Variants in SLC35D4 observed in about 807,000 individuals in gnomAD.
SLC35D4 encodes solute carrier family 35 member D4, also known as UDP-N-acetylglucosamine transporter SLC35D4.
the SLC35D4 span, chr18:23,373,856 G>A: frequency 5.0e-6 from 7 of 1,402,732 alleles, no homozygotes; most frequent in Non-Finnish European, 6.8e-6. Context: ...CTCTGGAGTT[G>A]GATGAGGCAA....
At chr18:23,374,039 A>G in the SLC35D4 span, among the ~76,000 whole-genome samples, 1 of 152,246 alleles carries the variant, frequency 6.6e-6, no homozygotes, top group African/African-American at 2.4e-5. Context: ...CAGCTGGCTC[A>G]CTTGAGGAAA....
At chr18:23,331,991 T>G in the SLC35D4 span, among the ~76,000 whole-genome samples, 24 of 142,130 alleles carry the variant, frequency 1.7e-4, 1 homozygote, top group East Asian at 4.9e-3. Flanking sequence ...GCTCAAGCAA[T>G]CCTCCCACTT....
chr18:23,241,895 C>A, the SLC35D4 span, among the ~76,000 whole-genome samples: 3 of 152,124 alleles, frequency 2.0e-5, no homozygotes, highest in African/African-American at 7.2e-5. Context: ...GCCTTGCACC[C>A]ATATCTGTAT....
At chr18:23,432,605 C>T in the SLC35D4 span, among the ~76,000 whole-genome samples, 1 of 150,016 alleles carries the variant, frequency 6.7e-6, no homozygotes, top group East Asian at 2.0e-4. Context: ...CACTTGAACC[C>T]GGGAGGTGGA....
chr18:23,332,631 G>A, the SLC35D4 span, among the ~76,000 whole-genome samples: 1 of 151,742 alleles, frequency 6.6e-6, no homozygotes, highest in Non-Finnish European at 1.5e-5. Context: ...AACAACAGAG[G>A]ACTCATCTAA....
the SLC35D4 span, among the ~76,000 whole-genome samples, chr18:23,404,609 G>A: frequency 4.7e-5 from 7 of 150,308 alleles, no homozygotes; most frequent in Admixed American, 1.3e-4. Context: ...GGAGGCTTGC[G>A]GCGGGCCGAG....
At chr18:23,315,592 G>A in the SLC35D4 span, among the ~76,000 whole-genome samples, 2 of 152,196 alleles carry the variant, frequency 1.3e-5, no homozygotes, top group Non-Finnish European at 2.9e-5. Context: ...TAACCTTTAA[G>A]GTCACAATGC....
the SLC35D4 span, among the ~76,000 whole-genome samples, chr18:23,388,371 T>C: frequency 2.0e-5 from 3 of 152,214 alleles, no homozygotes; most frequent in Admixed American, 1.3e-4. Flanking sequence ...GCACCTCTCT[T>C]ACCAGATGCT....
the SLC35D4 span, among the ~76,000 whole-genome samples, chr18:23,325,292 A>T: frequency 6.6e-6 from 1 of 152,088 alleles, no homozygotes; most frequent in African/African-American, 2.4e-5. Context: ...ACTTGTCCTA[A>T]TGAGAATTTT....
chr18:23,398,585 A>G, the SLC35D4 span, among the ~76,000 whole-genome samples: 3 of 152,194 alleles, frequency 2.0e-5, no homozygotes, highest in African/African-American at 4.8e-5. Context: ...TCCCCATTGC[A>G]TATATCACCC....
At chr18:23,435,782 G>A in the SLC35D4 span, among the ~76,000 whole-genome samples, 1 of 152,200 alleles carries the variant, frequency 6.6e-6, no homozygotes, top group African/African-American at 2.4e-5. Flanking sequence ...TGCAACCTCC[G>A]CCTCCCTGGC....
At chr18:23,298,901 G>A in the SLC35D4 span, among the ~76,000 whole-genome samples, 2 of 152,004 alleles carry the variant, frequency 1.3e-5, no homozygotes. Context: ...CCCTTCATAC[G>A]CTCACCTGCA....
the SLC35D4 span, among the ~76,000 whole-genome samples, chr18:23,395,781 C>T: frequency 6.6e-5 from 10 of 152,362 alleles, no homozygotes; most frequent in Admixed American, 3.3e-4. Flanking sequence ...GACTGACACT[C>T]ACCCATCAGA....
the SLC35D4 span, among the ~76,000 whole-genome samples, chr18:23,397,612 T>C: frequency 8.5e-5 from 13 of 152,220 alleles, no homozygotes; most frequent in Admixed American, 3.3e-4. Context: ...ATCTTCCTTT[T>C]GCTTAGACCA....
At chr18:23,435,260 GC>G in the SLC35D4 span, among the ~76,000 whole-genome samples, 2 of 144,154 alleles carry the variant, frequency 1.4e-5, no homozygotes, top group African/African-American at 5.1e-5. Context: ...TTTTTTTTTT[GC>G]TTAGATAAAA....
chr18:23,410,285 G>A, the SLC35D4 span, among the ~76,000 whole-genome samples: 1 of 151,558 alleles, frequency 6.6e-6, no homozygotes, highest in Non-Finnish European at 1.5e-5. Context: ...AGACCATCCT[G>A]GCTAACACAG....
At chr18:23,413,276 A>G in the SLC35D4 span, among the ~76,000 whole-genome samples, 1 of 152,182 alleles carries the variant, frequency 6.6e-6, no homozygotes, top group African/African-American at 2.4e-5. Flanking sequence ...TTCTGATCCA[A>G]GATTCTCAAC....
At chr18:23,355,447 T>C in the SLC35D4 span, among the ~76,000 whole-genome samples, 1 of 152,182 alleles carries the variant, frequency 6.6e-6, no homozygotes, top group African/African-American at 2.4e-5. Flanking sequence ...CGAAGACTCA[T>C]GCCATGTGAT....
At chr18:23,372,577 A>G in the SLC35D4 span, among the ~76,000 whole-genome samples, 1 of 152,230 alleles carries the variant, frequency 6.6e-6, no homozygotes, top group South Asian at 2.1e-4. Context: ...CCACCCTCAC[A>G]GAAATGTTGT....
Sources: allele counts gnomAD v4.1 joint callset (sites outside exome capture counted in the v4.1 genomes callset), GRCh38; gene constraint gnomAD v4.1.1; transcripts MANE v1.5; gene names NCBI Gene and HGNC (gene_info 2026-07-23, HGNC 2026-07-21).